The following HERC4 variants were observed in gnomAD, a reference collection of about 807,000 sequenced individuals.
HERC4 encodes probable E3 ubiquitin-protein ligase HERC4.
A neutral mutation model predicts 124.3 loss-of-function variants in HERC4; 28 were observed. The observed-to-expected ratio is 0.23, with a 90% confidence interval of 0.17 to 0.31. The LOEUF is 0.31. HERC4 is among the 10% of genes least tolerant of loss of function. The pLI is 1.00. For synonymous variants in HERC4, 407 were observed against 421.5 expected (o/e 0.97, Z 0.42); for missense variants, 713 against 1,229.3 (o/e 0.58, Z 6.28).
intron 7 of HERC4, 70 bp downstream of exon 7, chr10:68,032,708 C>A: frequency 5.2e-6 from 4 of 771,308 alleles, no homozygotes; most frequent in South Asian, 1.7e-5. Flanking sequence ...GAGAAAATAC[C>A]ATGAGAACAT....
In HERC4 at chr10:67,936,244, T is replaced by G. The variant is rs1207964899; in HGVS notation, c.2572-9A>C. The G allele has an allele frequency of 1.3e-6, 2 of 1,540,024 alleles. No homozygotes were observed. Among genetic ancestry groups the G allele is most frequent in the African/African-American group, 2.8e-5 (2 of 72,446 alleles). On this transcript the variant is annotated splice_polypyrimidine_tract_variant and intron_variant, in intron 21 of 24. Transcript: ENST00000373700. Reference sequence around the variant, plus strand: ...AAGTTTTCAACTGTGATCTATTAATTTAAATTTTTAAAAAAAGTCAATGTC... The same window carrying G: ...AAGTTTTCAACTGTGATCTATTAATGTAAATTTTTAAAAAAAGTCAATGTC...
At chr10:67,954,356 C>G (rs2034004286) in intron 19 of HERC4, 1 of 340,008 alleles carries the variant, frequency 2.9e-6, no homozygotes, top group East Asian at 4.7e-5. Flanking sequence ...GAATAGTCAA[C>G]ATTATTTTCT....
intron 19 of HERC4, among the ~76,000 whole-genome samples, chr10:67,949,679 T>C (rs1278942792): frequency 7.2e-5 from 11 of 152,184 alleles, no homozygotes; most frequent in Admixed American, 5.9e-4. Context: ...ACCAGCATAA[T>C]GTACCATATT....
At chr10:67,960,302 T>C (rs945095310) in intron 16 of HERC4, among the ~76,000 whole-genome samples, 8 of 152,228 alleles carry the variant, frequency 5.3e-5, no homozygotes, top group African/African-American at 1.9e-4. Flanking sequence ...TCTGGTTATC[T>C]TTCCCAGACT....
At chr10:67,944,591 C>A (rs911018016) in intron 19 of HERC4, among the ~76,000 whole-genome samples, 4 of 152,188 alleles carry the variant, frequency 2.6e-5, no homozygotes, top group Non-Finnish European at 5.9e-5. Context: ...GAAAACATGA[C>A]CTCACCAAAC....
At chr10:68,055,630 T>C (rs550724345) in intron 3 of HERC4, among the ~76,000 whole-genome samples, 1 of 152,318 alleles carries the variant, frequency 6.6e-6, no homozygotes, top group African/African-American at 2.4e-5. Context: ...AGGCACTAAG[T>C]TATAAACATT....
chr10:68,067,431 C>G (rs897941313), intron 3 of HERC4, among the ~76,000 whole-genome samples: 2 of 152,086 alleles, frequency 1.3e-5, no homozygotes, highest in South Asian at 4.1e-4. Flanking sequence ...TTGTGAAAAC[C>G]GGGAGTTATA....
chr10:67,928,183 A>AG (rs2031362649), intron 23 of HERC4, among the ~76,000 whole-genome samples: 1 of 152,130 alleles, frequency 6.6e-6, no homozygotes, highest in African/African-American at 2.4e-5. Context: ...AGGCAGAGTG[A>AG]GAGGAACAAT....
In HERC4 at chr10:67,970,544, A is replaced by T. The variant is rs572125796; in HGVS notation, c.1807-3742T>A. Among the ~76,000 whole-genome samples, 7 of 151,648 alleles carry T rather than the reference A, an allele frequency of 4.6e-5. No homozygotes were observed. In the South Asian group the frequency reaches 1.5e-3, roughly 32 times the overall value. On this transcript the variant is annotated intron_variant, in intron 15 of 24. Coordinates refer to ENST00000373700, the MANE Select transcript of HERC4 (RefSeq NM_015601.4). ...GTGGTGGAGGTTGCAGTGAGCTGAG[A>T]TTGCACCACTGCACTCCACCCTGGG...
intron 16 of HERC4, 117 bp from the exon 17 acceptor site, chr10:67,957,093 G>T: frequency 1.8e-6 from 1 of 548,714 alleles, no homozygotes; most frequent in Non-Finnish European, 3.1e-6. Flanking sequence ...TGTGGTTCTG[G>T]AATTACAAAT....
At chr10:68,069,001 C>T (rs1031263347) in intron 3 of HERC4, 3 of 967,876 alleles carry the variant, frequency 3.1e-6, no homozygotes, top group African/African-American at 3.5e-5. Flanking sequence ...GATAACAGGG[C>T]TTGTTTTTAA....
intron 19 of HERC4, among the ~76,000 whole-genome samples, chr10:67,943,795 A>C (rs2033111493): frequency 6.6e-6 from 1 of 152,250 alleles, no homozygotes; most frequent in Non-Finnish European, 1.5e-5. Flanking sequence ...TGAAAACCCA[A>C]AGGATAAAAA....
Position 67,972,151 on chromosome 10 carries a change from T to C in HERC4, c.1807-5349A>G, listed in dbSNP as rs185537998. Among the ~76,000 whole-genome samples the C allele has an allele frequency of 2.4e-4, 35 of 147,158 alleles. 1 individual carries two copies. Among genetic ancestry groups the C allele is most frequent in the African/African-American group, 8.6e-4 (34 of 39,550 alleles). On this transcript the variant is annotated intron_variant, in intron 15 of 24. Coordinates refer to ENST00000373700, the MANE Select transcript of HERC4 (RefSeq NM_015601.4). The stretch of plus-strand genomic sequence containing the variant: ...ATCATTTGAACCTGGGAGGCAGAGG[T>C]TGCAGTGGGCCAAGGTCTCACCATT...
intron 4 of HERC4, among the ~76,000 whole-genome samples, chr10:68,041,901 T>C (rs2133465977): frequency 6.6e-6 from 1 of 152,354 alleles, no homozygotes; most frequent in African/African-American, 2.4e-5. Context: ...CTGTTTCAGT[T>C]ATATCCTATT....
In HERC4 at chr10:68,031,786, CTT is replaced by C. The variant is rs200950666; in HGVS notation, c.777+990_777+991del. ...TTTTTTTTTGAAACGAGGTCTCACT[CTT>C]TGTCTCCCAGGCTGCAGTGCAGTGG... On this transcript the variant is annotated intron_variant, in intron 7 of 24. Transcript: ENST00000373700. Among the ~76,000 whole-genome samples, 5 of 152,230 alleles carry C rather than the reference CTT, an allele frequency of 3.3e-5. No homozygotes were observed. In the East Asian group the frequency reaches 5.8e-4, roughly 18 times the overall value.
At chr10:68,003,732 T>TAC (rs903486354) in intron 9 of HERC4, among the ~76,000 whole-genome samples, 98 of 152,316 alleles carry the variant, frequency 6.4e-4, no homozygotes, top group Admixed American at 2.1e-3. Context: ...TGTGTATATA[T>TAC]ACACCACATT....
At chr10:67,993,255 G>C (rs1211877565) in intron 9 of HERC4, 2 of 151,768 alleles carry the variant, frequency 1.3e-5, no homozygotes, top group African/African-American at 4.9e-5. Context: ...TGAGACAGGA[G>C]AATCGCTTGA....
chr10:68,050,916 G>A (rs1433876741), intron 3 of HERC4, among the ~76,000 whole-genome samples: 1 of 152,004 alleles, frequency 6.6e-6, no homozygotes, highest in Non-Finnish European at 1.5e-5. Flanking sequence ...GTAATGTTCC[G>A]TGTAAGAAAG....
At chr10:67,988,394 A>G (rs2036377040) in intron 15 of HERC4, among the ~76,000 whole-genome samples, 2 of 152,116 alleles carry the variant, frequency 1.3e-5, no homozygotes, top group African/African-American at 4.8e-5. Context: ...AGGAAATATA[A>G]GGAGAATTCT....
Sources: gnomAD v4.1 joint callset for allele counts (sites outside exome capture counted in the v4.1 genomes callset) on GRCh38, gnomAD v4.1.1 for gene constraint, MANE v1.5 for transcripts, NCBI Gene and HGNC (gene_info 2026-07-23, HGNC 2026-07-21) for gene names.